Variants in FAM149A observed in about 807,000 individuals in gnomAD.
FAM149A encodes the protein protein FAM149A.
FAM149A carries 71 observed loss-of-function variants against 78.2 expected under a neutral mutation model. That is an observed-to-expected ratio of 0.91 (90% CI 0.75 to 1.11). The LOEUF (loss-of-function observed/expected upper bound fraction) is 1.11, where lower values mean the gene tolerates loss of function less well. Among genes scored for constraint, FAM149A ranks in the 50% least tolerant of loss-of-function variants. The pLI is 0.00. For missense variants in FAM149A, 1,036 were observed against 971.0 expected, an observed-to-expected ratio of 1.07 and a Z score of -0.89; for synonymous variants, 446 against 410.5, an observed-to-expected ratio of 1.09 and a Z score of -1.04.
chr4:186,137,286 T>G (rs1349272583), intron 1 of FAM149A, among the ~76,000 whole-genome samples: 1 of 152,092 alleles, frequency 6.6e-6, no homozygotes, highest in Non-Finnish European at 1.5e-5. Flanking sequence ...GTAGCCACCT[T>G]TCAGGTGGCT....
Position 186,136,432 on chromosome 4 carries a change from A to G in FAM149A, c.567-12741A>G, listed in dbSNP as rs558538977. On this transcript the variant is annotated intron_variant, in intron 1 of 13. Coordinates refer to ENST00000389354, the MANE Select transcript of FAM149A (RefSeq NM_001367768.3). ...TTCTGTTTCTCTGGTTCAAAGTAGT[A>G]TAATATGGACAATTTCATATGATTC... Among the ~76,000 whole-genome samples the G allele has an allele frequency of 2.0e-5, 3 of 152,350 alleles. No homozygotes were observed. The East Asian group carries it at 5.8e-4, about 29-fold the overall frequency.
chr4:186,118,584 T>G (rs2099314699), intron 1 of FAM149A, among the ~76,000 whole-genome samples: 2 of 152,232 alleles, frequency 1.3e-5, no homozygotes, highest in Admixed American at 1.3e-4. Flanking sequence ...GAGGTAGACT[T>G]TATTAAGATA....
chr4:186,136,964 TTCTCTCTCTCTTTCTCTCTCTC>T (rs1430371721), intron 1 of FAM149A, among the ~76,000 whole-genome samples: 106 of 97,096 alleles, frequency 1.1e-3, no homozygotes, highest in Middle Eastern at 5.8e-3. Flanking sequence ...CTCTCTCTCT[TTCTCTCTCTCTTTCTCTCTCTC>T]TCTCTCTCTC....
intron 3 of FAM149A, chr4:186,150,984 C>G: frequency 1.0e-6 from 1 of 977,326 alleles, no homozygotes; most frequent in Non-Finnish European, 1.2e-6. Flanking sequence ...CCTCCCATGG[C>G]ATGAGCCACT....
chr4:186,116,339 G>C, intron 1 of FAM149A: 1 of 393,136 alleles, frequency 2.5e-6, no homozygotes, highest in Non-Finnish European at 3.5e-6. Flanking sequence ...TGGAAATGCA[G>C]AAATCACCCG....
chr4:186,135,134 C>G (rs1386185364), intron 1 of FAM149A, among the ~76,000 whole-genome samples: 1 of 152,202 alleles, frequency 6.6e-6, no homozygotes, highest in Non-Finnish European at 1.5e-5. Flanking sequence ...TCTGGTGATC[C>G]TGCTGCATGT....
chr4:186,143,380 A>G (rs1170875635), intron 1 of FAM149A, among the ~76,000 whole-genome samples: 1 of 137,466 alleles, frequency 7.3e-6, no homozygotes, highest in African/African-American at 2.8e-5. Flanking sequence ...AAGATACCAT[A>G]GTTTTCCTGA....
chr4:186,155,022 G>A (rs1216736874), intron 6 of FAM149A: 35 of 786,554 alleles, frequency 4.4e-5, no homozygotes, highest in Admixed American at 6.3e-5. Flanking sequence ...GAGTGCAGCC[G>A]TGCGAGCTCG....
chr4:186,115,140 T>C (rs1317652654), intron 1 of FAM149A, among the ~76,000 whole-genome samples: 1 of 62,894 alleles, frequency 1.6e-5, no homozygotes, highest in Non-Finnish European at 3.2e-5. Flanking sequence ...TTCATTTCAT[T>C]CATTTCATCT....
Position 186,173,636 on chromosome 4 carries a change from C to T in FAM149A, c.*1649C>T, listed in dbSNP as rs1168031887. ...CCTCCCAAAGTGCTGGGATTATAGG[C>T]GTGAGCTTCCGCGCCTGGCCAGCTG... is the stretch of plus-strand genomic sequence containing the variant. On this transcript the variant is annotated 3_prime_UTR_variant, in exon 14 of 14. Coordinates refer to ENST00000389354, the MANE Select transcript of FAM149A (RefSeq NM_001367768.3). Among the ~76,000 whole-genome samples the T allele has an allele frequency of 9.0e-6, 1 of 111,192 alleles. No homozygotes were observed. Among genetic ancestry groups the T allele is most frequent in the South Asian group, 2.8e-4 (1 of 3,586 alleles). The allele number at this position is 111,192 out of a possible 152,430, so 72.9% of individuals were successfully genotyped here.
In FAM149A at chr4:186,121,611, T is replaced by C. The variant is rs185909395; in HGVS notation, c.566+15969T>C. Among the ~76,000 whole-genome samples the C allele has an allele frequency of 2.9e-3, 444 of 152,344 alleles. 3 individuals carry two copies. Among genetic ancestry groups the C allele is most frequent in the Middle Eastern group, 6.8e-3 (2 of 294 alleles). ...AGATCATGGGATCCTATGGAAGATG[T>C]ACGGAGACATTGATGGCAATTGATA... On this transcript the variant is annotated intron_variant, in intron 1 of 13. Transcript: ENST00000389354.
chr4:186,117,773 G>A (rs1334793188), intron 1 of FAM149A: 6 of 795,468 alleles, frequency 7.5e-6, no homozygotes, highest in African/African-American at 3.7e-5. Context: ...TTGAGCTAAT[G>A]TGCAGGGAGC....
At chr4:186,158,552 G>A in intron 8 of FAM149A, 1 of 925,546 alleles carries the variant, frequency 1.1e-6, no homozygotes, top group East Asian at 1.6e-4. Context: ...GTGGCCAAGG[G>A]GGAGTTTCAG....
At chr4:186,142,187 G>T (rs544482460) in intron 1 of FAM149A, among the ~76,000 whole-genome samples, 80 of 152,332 alleles carry the variant, frequency 5.3e-4, no homozygotes, top group African/African-American at 1.9e-3. Flanking sequence ...GCTGGAACCC[G>T]CAGTGGCTGC....
chr4:186,109,517 A>C (rs183493475), intron 1 of FAM149A: 4 of 985,292 alleles, frequency 4.1e-6, no homozygotes, highest in Admixed American at 6.1e-5. Flanking sequence ...CCTCAAACCG[A>C]TTGCTAGCTG....
In FAM149A at chr4:186,157,734, A is replaced by G. The variant is rs904593170; in HGVS notation, c.1575+15A>G. 2 of 1,595,876 alleles carry G rather than the reference A, an allele frequency of 1.3e-6. No individual in the cohort carries two copies. Among genetic ancestry groups the G allele is most frequent in the African/African-American group, 2.7e-5 (2 of 74,470 alleles). ...ACCCGCCCCAGGTCGGTGCTTTCAC[A>G]CCCTTCTCCCTCTTGCCTTCACTCT... On this transcript the variant is annotated intron_variant, in intron 8 of 13. Transcript: ENST00000389354.
At chr4:186,124,831 A>G (rs1218523653) in intron 1 of FAM149A, among the ~76,000 whole-genome samples, 1 of 152,252 alleles carries the variant, frequency 6.6e-6, no homozygotes, top group African/African-American at 2.4e-5. Flanking sequence ...TCCTTGAGGA[A>G]TTGCCACACT....
Position 186,122,464 on chromosome 4 carries a change from T to C in FAM149A, c.566+16822T>C, listed in dbSNP as rs141371779. 6.3e-3 allele frequency among the ~76,000 whole-genome samples: 955 copies of C among 152,302 alleles called. 14 individuals are homozygous for C. The highest frequency in any genetic ancestry group is 0.021 in the African/African-American group (888 of 41,556). On this transcript the variant is annotated intron_variant, in intron 1 of 13. Transcript: ENST00000389354. ...AGATATGATAACAGTTTGAGGATTA[T>C]GTAGGAGAACATCCTTTTAGGAAAT...
At chr4:186,168,173 AGCATAGTGATGTC>A (rs1735219531) in intron 13 of FAM149A, among the ~76,000 whole-genome samples, 1 of 152,182 alleles carries the variant, frequency 6.6e-6, no homozygotes, top group Non-Finnish European at 1.5e-5. Flanking sequence ...ATAGTGATGT[AGCATAGTGATGTC>A]GAGATTCTTC....
Sources: gnomAD v4.1 joint callset for allele counts (sites outside exome capture counted in the v4.1 genomes callset) on GRCh38, gnomAD v4.1.1 for gene constraint, MANE v1.5 for transcripts, NCBI Gene and HGNC (gene_info 2026-07-23, HGNC 2026-07-21) for gene names.